TRIM14: variants seen among roughly 807,000 people sequenced by gnomAD.
TRIM14 encodes the protein tripartite motif-containing protein 14.
TRIM14 carries 28 observed loss-of-function variants against 44.5 expected under a neutral mutation model. That is an observed-to-expected ratio of 0.63 (90% confidence interval 0.47 to 0.86). The LOEUF is 0.86. Among genes scored for constraint, TRIM14 ranks in the 40% least tolerant of loss-of-function variants. TRIM14 has a pLI of 0.00. For synonymous variants in TRIM14, 299 were observed against 269.2 expected (o/e 1.11, Z -1.08); for missense variants, 607 against 611.1 (o/e 0.99, Z 0.07).
chr9:98,119,183 C>A lies in TRIM14; in HGVS notation c.6G>T (p.Ala2=), dbSNP rs757740771. 1.3e-6 allele frequency: 2 copies of A among 1,573,342 alleles called. No homozygotes were observed. Among genetic ancestry groups the A allele is most frequent in the African/African-American group, 1.4e-5 (1 of 71,326 alleles). M[A]GAATGSRTPG... ...GGGTCCGGCTCCCGGTCGCCGCGCC[C>A]GCCATTCATCTCCACCTCCTCCGGC... Residue 2 remains alanine (A), a synonymous_variant, in exon 1 of 6, where the codon GCG becomes GCT. Transcript: ENST00000341469.
chr9:98,073,444 C>T (rs973105054), intron 6 of TRIM14, among the ~76,000 whole-genome samples: 4 of 151,716 alleles, frequency 2.6e-5, no homozygotes, highest in East Asian at 1.9e-4. Flanking sequence ...ACCAACACGC[C>T]GGGCTAATTT....
chr9:98,045,078 ACT>A, the TRIM14 span, among the ~76,000 whole-genome samples: 63 of 152,222 alleles, frequency 4.1e-4, no homozygotes, highest in African/African-American at 1.5e-3. Context: ...GCACCACTGC[ACT>A]CCAGCCTAGG....
In TRIM14 at chr9:98,095,795, G is replaced by A. The variant is rs1826166705; in HGVS notation, c.538-766C>T. ...AGGGACAGCAGTGGTGGGGGCTCTG[G>A]TCAGTGGTGTGAGTGGTGATGTCTT... On this transcript the variant is annotated intron_variant, in intron 3 of 5. Transcript: ENST00000341469. The surrounding 1 kb of genome is among the most constrained non-coding windows in gnomAD (Gnocchi z 4.1). 6.6e-6 allele frequency among the ~76,000 whole-genome samples: 1 copy of A among 152,212 alleles called. No homozygotes were observed. The highest frequency in any genetic ancestry group is 2.1e-4 in the South Asian group (1 of 4,832).
At chr9:98,058,750 A>T in the TRIM14 span, among the ~76,000 whole-genome samples, 2 of 152,134 alleles carry the variant, frequency 1.3e-5, no homozygotes. Context: ...ACATAGCGAG[A>T]CCCTGTCTCT....
At chr9:98,100,678 G>A (rs1032164932) in intron 2 of TRIM14, among the ~76,000 whole-genome samples, 1 of 152,216 alleles carries the variant, frequency 6.6e-6, no homozygotes, top group Non-Finnish European at 1.5e-5. Flanking sequence ...AAACCATGTG[G>A]CTCAAGCATA....
intron 2 of TRIM14, among the ~76,000 whole-genome samples, chr9:98,101,465 G>A (rs533196111): frequency 1.1e-4 from 16 of 148,198 alleles, no homozygotes; most frequent in African/African-American, 3.7e-4. Context: ...TGCTCTTGTC[G>A]CCTAGGCTGG....
chr9:98,095,362 C>T lies in TRIM14; in HGVS notation c.538-333G>A, dbSNP rs1047620786. On this transcript the variant is annotated intron_variant, in intron 3 of 5. Coordinates refer to ENST00000341469, the MANE Select transcript of TRIM14 (RefSeq NM_014788.4). The surrounding 1 kb of genome is among the most constrained non-coding windows in gnomAD (Gnocchi z 4.1). ...TGCAGAAGGCAGGGTCAGGCTGACA[C>T]GGGGCCCTTCCCAGAGAGGCTTCAG... Among the ~76,000 whole-genome samples, 2 of 152,350 alleles carry T rather than the reference C, an allele frequency of 1.3e-5. No individual in the cohort carries two copies. The highest frequency in any genetic ancestry group is 1.9e-4 in the East Asian group (1 of 5,180).
At chr9:98,115,684 A>C (rs151297990) in intron 1 of TRIM14, among the ~76,000 whole-genome samples, 3 of 152,066 alleles carry the variant, frequency 2.0e-5, no homozygotes, top group African/African-American at 7.2e-5. Flanking sequence ...GCACCTGGCT[A>C]TTTGTGAGTA....
the TRIM14 span, among the ~76,000 whole-genome samples, chr9:98,042,918 T>C: frequency 6.6e-6 from 1 of 151,934 alleles, no homozygotes; most frequent in Non-Finnish European, 1.5e-5. Flanking sequence ...TGAAAAAGCA[T>C]TTGATTAGTC....
intron 6 of TRIM14, among the ~76,000 whole-genome samples, chr9:98,072,750 C>T (rs1429419356): frequency 3.9e-5 from 6 of 152,122 alleles, no homozygotes; most frequent in African/African-American, 1.4e-4. Context: ...AGTTAATTTA[C>T]CTTGCCCTCT....
chr9:98,077,245 G>A lies in TRIM14; in HGVS notation c.*29-7558C>T, dbSNP rs190799590. ...CCCAAAGTGCTAGGATTACAGGCATGAGCCACTGTGCCCTGCCAGAAACCT... is the reference window on the plus strand; with the variant it reads ...CCCAAAGTGCTAGGATTACAGGCATAAGCCACTGTGCCCTGCCAGAAACCT... On this transcript the variant is annotated intron_variant, in intron 6 of 6. Transcript: ENST00000375098. Among the ~76,000 whole-genome samples the A allele has an allele frequency of 3.4e-4, 52 of 152,240 alleles. No individual in the cohort carries two copies. In the East Asian group the frequency reaches 8.5e-3, roughly 25 times the overall value.
chr9:98,098,774 A>T (rs753743231), intron 3 of TRIM14, among the ~76,000 whole-genome samples: 2 of 152,028 alleles, frequency 1.3e-5, no homozygotes, highest in Non-Finnish European at 1.5e-5. Flanking sequence ...AGCAATGACT[A>T]TCCCTGGGGC....
At chr9:98,067,274 G>A (rs895223520), downstream of TRIM14, among the ~76,000 whole-genome samples, 1 of 152,150 alleles carries the variant, frequency 6.6e-6, no homozygotes, top group Non-Finnish European at 1.5e-5. Context: ...TTACATATAT[G>A]AGTGGAATTG....
At chr9:98,060,786 G>T in the TRIM14 span, 13 of 1,614,046 alleles carry the variant, frequency 8.1e-6, no homozygotes, top group African/African-American at 1.7e-4. Context: ...TTGTAGGAGT[G>T]TGGGGCTGAT....
At chr9:98,114,715 A>G (rs1826984906) in intron 1 of TRIM14, among the ~76,000 whole-genome samples, 1 of 152,172 alleles carries the variant, frequency 6.6e-6, no homozygotes, top group African/African-American at 2.4e-5. Flanking sequence ...TTGGAAAAAA[A>G]CCCTGACAAG....
At chr9:98,080,933 T>C, downstream of TRIM14, 2 of 1,614,140 alleles carry the variant, frequency 1.2e-6, no homozygotes, top group Non-Finnish European at 1.7e-6. Context: ...TCACATAACT[T>C]TGGACAAGAC....
At chr9:98,113,614 C>G (rs1826941719) in intron 1 of TRIM14, among the ~76,000 whole-genome samples, 5 of 152,164 alleles carry the variant, frequency 3.3e-5, no homozygotes, top group Non-Finnish European at 7.3e-5. Flanking sequence ...CTTGGCCTCC[C>G]AAAGGGCTAG....
Position 98,095,608 on chromosome 9 carries a change from C to T in TRIM14, c.538-579G>A, listed in dbSNP as rs1826159357. Among the ~76,000 whole-genome samples, 1 of 152,216 alleles carries T rather than the reference C, an allele frequency of 6.6e-6. No homozygotes were observed. The highest frequency in any genetic ancestry group is 1.5e-5 in the Non-Finnish European group (1 of 68,032). Reference sequence around the variant, plus strand: ...GTTTTGCACCTGGACAGCCCCTCTTCAATACTTTCCTGTGGTATGTGGCTT... The same window carrying T: ...GTTTTGCACCTGGACAGCCCCTCTTTAATACTTTCCTGTGGTATGTGGCTT... On this transcript the variant is annotated intron_variant, in intron 3 of 5. Coordinates refer to ENST00000341469, the MANE Select transcript of TRIM14 (RefSeq NM_014788.4). This position sits in a 1 kb window ranked among gnomAD's most constrained non-coding sequence, Gnocchi z 4.1.
At chr9:98,048,779 T>C in the TRIM14 span, among the ~76,000 whole-genome samples, 37 of 152,224 alleles carry the variant, frequency 2.4e-4, no homozygotes, top group East Asian at 7.1e-3. Flanking sequence ...ATCTCAGCAA[T>C]GTGGGAGGCC....
Sources: allele counts gnomAD v4.1 joint callset (sites outside exome capture counted in the v4.1 genomes callset), GRCh38; gene constraint gnomAD v4.1.1; non-coding constraint Gnocchi (gnomAD v3.1); transcripts MANE v1.5; gene names NCBI Gene and HGNC (gene_info 2026-07-23, HGNC 2026-07-21).